C12orf54: variants seen among roughly 807,000 people sequenced by gnomAD.
C12orf54 encodes uncharacterized protein C12orf54.
C12orf54 carries 24 observed loss-of-function variants against 26.4 expected under a neutral mutation model. That is an observed-to-expected ratio of 0.91 (90% CI 0.66 to 1.28). C12orf54 has a LOEUF of 1.28. Ranked by LOEUF, C12orf54 falls within the 50% of genes most tolerant of loss-of-function variation. The pLI is 0.00. For missense variants in C12orf54, 154 were observed against 150.9 expected, an observed-to-expected ratio of 1.02 and a Z score of -0.11; for synonymous variants, 54 against 47.0, an observed-to-expected ratio of 1.15 and a Z score of -0.61.
chr12:48,448,104 C>T, the C12orf54 span, among the ~76,000 whole-genome samples: 8 of 152,044 alleles, frequency 5.3e-5, no homozygotes, highest in Admixed American at 3.3e-4. Context: ...TTCCCAGAAC[C>T]TCCAGAAAGG....
At chr12:48,443,341 G>A in the C12orf54 span, among the ~76,000 whole-genome samples, 12 of 152,228 alleles carry the variant, frequency 7.9e-5, no homozygotes, top group Non-Finnish European at 4.4e-5. Context: ...AGCTGAAGTA[G>A]AGCATGGCTT....
At chr12:48,484,971 T>C (rs1428315392) in intron 2 of C12orf54, among the ~76,000 whole-genome samples, 1 of 152,248 alleles carries the variant, frequency 6.6e-6, no homozygotes, top group Admixed American at 6.5e-5. Flanking sequence ...GCTGGCAGAA[T>C]TGTGTGCCTG....
Position 48,492,929 on chromosome 12 carries a change from T to A in C12orf54, c.194-18T>A, listed in dbSNP as rs1407750095. 1 of 1,612,100 alleles carries A rather than the reference T, an allele frequency of 6.2e-7. No homozygotes were observed. Among genetic ancestry groups the A allele is most frequent in the African/African-American group, 1.3e-5 (1 of 74,854 alleles). On this transcript the variant is annotated intron_variant, in intron 6 of 8. Coordinates refer to ENST00000548364, the MANE Select transcript of C12orf54 (RefSeq NM_152319.4). ...CAGGCCCCTGTAACAGAATGACTCTTCTCTGTGTCCACTTTAGGGATGAGC... is the reference window on the plus strand; with the variant it reads ...CAGGCCCCTGTAACAGAATGACTCTACTCTGTGTCCACTTTAGGGATGAGC...
the C12orf54 span, among the ~76,000 whole-genome samples, chr12:48,433,454 T>G: frequency 2.8e-5 from 1 of 35,406 alleles, no homozygotes; most frequent in Admixed American, 3.3e-4. Context: ...AAGCTTTTTT[T>G]TGGGGGGGGG....
At chr12:48,416,273 A>G in the C12orf54 span, among the ~76,000 whole-genome samples, 22 of 152,280 alleles carry the variant, frequency 1.4e-4, no homozygotes, top group African/African-American at 4.8e-4. Flanking sequence ...AATTCCTGAC[A>G]TCATGGTCTA....
At chr12:48,484,052 G>A (rs935707526) in intron 2 of C12orf54, among the ~76,000 whole-genome samples, 2 of 152,184 alleles carry the variant, frequency 1.3e-5, no homozygotes, top group African/African-American at 4.8e-5. Flanking sequence ...AAAATTAGCT[G>A]GGTGTGGTGG....
chr12:48,472,958 C>T, the C12orf54 span: 3 of 1,614,066 alleles, frequency 1.9e-6, no homozygotes, highest in South Asian at 1.1e-5. Context: ...TAAGTGGCAA[C>T]AAAATTAAAG....
chr12:48,491,303 A>G (rs1228953251), intron 6 of C12orf54, among the ~76,000 whole-genome samples: 1 of 152,218 alleles, frequency 6.6e-6, no homozygotes, highest in Non-Finnish European at 1.5e-5. Context: ...ACATGGAGGA[A>G]GGAGTAAAGG....
At chr12:48,486,578 C>CT in intron 3 of C12orf54, 110 bp from the exon 4 acceptor site, 1 of 1,171,280 alleles carries the variant, frequency 8.5e-7, no homozygotes, top group Non-Finnish European at 1.2e-6. Context: ...TTTTGGGTGT[C>CT]CAGCTCAATT....
At chr12:48,435,057 A>T in the C12orf54 span, among the ~76,000 whole-genome samples, 1 of 152,212 alleles carries the variant, frequency 6.6e-6, no homozygotes, top group African/African-American at 2.4e-5. Flanking sequence ...AATGCAGAGA[A>T]ATCCTTAAAG....
At chr12:48,447,744 A>G in the C12orf54 span, among the ~76,000 whole-genome samples, 1 of 152,148 alleles carries the variant, frequency 6.6e-6, no homozygotes, top group Non-Finnish European at 1.5e-5. Context: ...TTACATGGCA[A>G]AAGAGATTTT....
the C12orf54 span, among the ~76,000 whole-genome samples, chr12:48,439,787 A>T: frequency 6.6e-6 from 1 of 152,116 alleles, no homozygotes; most frequent in South Asian, 2.1e-4. Context: ...TAGGAGATAT[A>T]CCTAATGCTA....
At chr12:48,454,052 A>C in the C12orf54 span, among the ~76,000 whole-genome samples, 2 of 151,406 alleles carry the variant, frequency 1.3e-5, no homozygotes. Flanking sequence ...AATTATAGGA[A>C]GGAAAATCAA....
the C12orf54 span, among the ~76,000 whole-genome samples, chr12:48,446,828 C>T: frequency 6.6e-6 from 1 of 152,166 alleles, no homozygotes; most frequent in Admixed American, 6.5e-5. Flanking sequence ...CTCAACTTTT[C>T]TGCGTCTAGA....
intron 2 of C12orf54, 81 bp downstream of exon 2, chr12:48,483,442 A>G (rs1017098831): frequency 5.3e-6 from 7 of 1,333,262 alleles, no homozygotes; most frequent in African/African-American, 2.9e-5. Flanking sequence ...CCTGTCTTCT[A>G]TGGCTCTTCA....
At chr12:48,471,990 C>G in the C12orf54 span, among the ~76,000 whole-genome samples, 1 of 152,008 alleles carries the variant, frequency 6.6e-6, no homozygotes, top group Non-Finnish European at 1.5e-5. Context: ...GATGTTTTTC[C>G]ACTTATTTGT....
the C12orf54 span, among the ~76,000 whole-genome samples, chr12:48,477,430 AC>A: frequency 6.6e-6 from 1 of 152,178 alleles, no homozygotes; most frequent in African/African-American, 2.4e-5. Flanking sequence ...GACACAAAAA[AC>A]CCTTCAAAAA....
chr12:48,475,919 A>C, the C12orf54 span, among the ~76,000 whole-genome samples: 3 of 151,972 alleles, frequency 2.0e-5, no homozygotes, highest in Non-Finnish European at 4.4e-5. Context: ...CTCCTCGAGA[A>C]GAGCAACTCC....
At chr12:48,467,760 G>A in the C12orf54 span, among the ~76,000 whole-genome samples, 1 of 152,044 alleles carries the variant, frequency 6.6e-6, no homozygotes, top group Non-Finnish European at 1.5e-5. Flanking sequence ...GTATACGCAT[G>A]CCCAAAATTA....
Sources: gnomAD v4.1 joint callset for allele counts (sites outside exome capture counted in the v4.1 genomes callset) on GRCh38, gnomAD v4.1.1 for gene constraint, MANE v1.5 for transcripts, NCBI Gene and HGNC (gene_info 2026-07-23, HGNC 2026-07-21) for gene names.